ATM: variants seen among roughly 807,000 people sequenced by gnomAD.
ATM encodes ATM serine/threonine kinase.
ATM carries 308 observed loss-of-function variants against 387.0 expected under a neutral mutation model. The observed-to-expected ratio is 0.80, with a 90% confidence interval of 0.73 to 0.87. The LOEUF is 0.87. Among genes scored for constraint, ATM ranks in the 40% least tolerant of loss-of-function variants. The probability of loss-of-function intolerance (pLI) is 0.00; values close to 1 mark genes in which losing one functional copy is unlikely to be tolerated. For synonymous variants in ATM, 1,156 were observed against 1,187.3 expected (o/e 0.97, Z 0.54); for missense variants, 3,312 against 3,560.9 (o/e 0.93, Z 1.78).
At chr11:108,322,170 T>C (rs1427358794) in intron 45 of ATM, among the ~76,000 whole-genome samples, 1 of 152,200 alleles carries the variant, frequency 6.6e-6, no homozygotes, top group African/African-American at 2.4e-5. Context: ...TTTATGTTTT[T>C]TTGAGACCAA....
chr11:108,304,566 AT>A, intron 36 of ATM, 108 bp from the exon 37 acceptor site: 1 of 1,105,644 alleles, frequency 9.0e-7, no homozygotes, highest in Non-Finnish European at 1.3e-6. Context: ...TTAATCTATC[AT>A]CTTTTAGAAA....
chr11:108,346,596 A>T (rs1228552015), intron 58 of ATM: 1 of 152,572 alleles, frequency 6.6e-6, no homozygotes, highest in Non-Finnish European at 1.5e-5. Context: ...TTCCCAGGTA[A>T]TTGTGAAACT....
In ATM at chr11:108,321,324, G is replaced by A. The variant is rs1591107053; in HGVS notation, c.6476G>A (p.Cys2159Tyr). ...YARVKEVEEM[C>Y]KRSLESVYSL... Reference sequence around the variant, plus strand: ...AGAGTAAAAGAAGTGGAAGAGATGTGTAAGCGCAGCCTTGAGTCTGTGTAT... The same window carrying A: ...AGAGTAAAAGAAGTGGAAGAGATGTATAAGCGCAGCCTTGAGTCTGTGTAT... The change falls in exon 45 of 63, where the codon TGT becomes TAT. Residue 2159 changes from cysteine (C) to tyrosine (Y), a missense_variant. Transcript: ENST00000675843. The A allele has an allele frequency of 3.1e-6, 5 of 1,614,148 alleles. No homozygotes were observed. Among genetic ancestry groups the A allele is most frequent in the African/African-American group, 1.3e-5 (1 of 75,052 alleles).
At position 108,284,456 on chromosome 11, in the gene ATM, A is replaced by G; in HGVS notation, c.3976A>G (p.Asn1326Asp). Residue 1326 changes from asparagine to aspartate, a missense_variant, in exon 26 of 63, where the codon AAC becomes GAC. Coordinates refer to ENST00000675843, the MANE Select transcript of ATM (RefSeq NM_000051.4). ...GGTCTATGATATGCTTAAAAGTGAA[A>G]ACTTATTGGGAAAACAGGTATGGCT... ...TKVYDMLKSE[N>D]LLGKQIDHLF... The G allele has an allele frequency of 6.2e-7, 1 of 1,613,954 alleles. No individual in the cohort carries two copies. The highest frequency in any genetic ancestry group is 1.3e-5 in the African/African-American group (1 of 75,032).
At position 108,332,037 on chromosome 11, in the gene ATM, G is replaced by A. The variant is rs587780639; in HGVS notation, c.7788G>A (p.Glu2596=). Residue 2596 remains glutamate, a splice_region_variant and synonymous_variant, in exon 52 of 63, where the codon GAG becomes GAA. Coordinates refer to ENST00000675843, the MANE Select transcript of ATM (RefSeq NM_000051.4). Reference sequence around the variant, plus strand: ...CTAAACAAAGCTCTCAGCTTGATGAGGTATTTGGATTAAACATACGTACCT... The same window carrying A: ...CTAAACAAAGCTCTCAGCTTGATGAAGTATTTGGATTAAACATACGTACCT... ...NVPKQSSQLD[E]DRTEAANRII... is the part of the protein sequence containing the mutation. 3 of 1,613,484 alleles carry A rather than the reference G, an allele frequency of 1.9e-6. No homozygotes were observed. Among genetic ancestry groups the A allele is most frequent in the Non-Finnish European group, 8.5e-7 (1 of 1,179,700 alleles).
At chr11:108,240,850 A>G (rs150447589) in intron 5 of ATM, among the ~76,000 whole-genome samples, 6 of 152,328 alleles carry the variant, frequency 3.9e-5, no homozygotes, top group African/African-American at 1.2e-4. Context: ...TCTTTCTTCA[A>G]TACTAAAGTA....
Position 108,320,026 on chromosome 11 carries a change from C to A in ATM, c.6420C>A (p.Phe2140Leu), listed in dbSNP as rs587780635. 5 of 1,609,752 alleles carry A rather than the reference C, an allele frequency of 3.1e-6. No homozygotes were observed. In the Admixed American group the frequency reaches 8.3e-5, roughly 27 times the overall value. ...TACAATCTCTAAGAGACAGAGAATT[C>A]TCTACATTTTATGAAAGTCTCAAAT... ...NALQSLRDRE[F>L]STFYESLKYA... The change falls in exon 44 of 63, where the codon TTC (phenylalanine) becomes TTA (leucine). Residue 2140 changes from phenylalanine to leucine, a missense_variant. Coordinates refer to ENST00000675843, the MANE Select transcript of ATM (RefSeq NM_000051.4).
Position 108,235,259 on chromosome 11 carries a change from G to A in ATM, c.332-411G>A, listed in dbSNP as rs7934870. Among the ~76,000 whole-genome samples the A allele has an allele frequency of 3.1e-3, 461 of 149,118 alleles. 4 individuals carry two copies. The highest frequency in any genetic ancestry group is 0.01 in the African/African-American group (408 of 40,046). On this transcript the variant is annotated intron_variant, in intron 4 of 62. Transcript: ENST00000675843. ...TGCAGTGTGCTGAGTTTGTGCCACT[G>A]CACTCCAGCCTGGGTGACAGACCAA...
rs746106249 is a variant in ATM at position 108,304,843 on chromosome 11, T to G, written c.5665T>G (p.Leu1889Val). ...QTSRSTTPAN[L>V]DSESEHFFRC... ...GAGCCGATCCACAACCCCTGCAAAC[T>G]TGGATTCAGGTATTCTATTAAATTT... The change falls in exon 37 of 63, where the codon TTG (leucine) becomes GTG (valine). Residue 1889 changes from leucine (L) to valine (V), a missense_variant. Physicochemically the swap from Leu to Val is conservative, Grantham distance 32 (BLOSUM62 1). Coordinates refer to ENST00000675843, the MANE Select transcript of ATM (RefSeq NM_000051.4). The G allele has an allele frequency of 6.2e-7, 1 of 1,614,004 alleles. No individual in the cohort carries two copies. Among genetic ancestry groups the G allele is most frequent in the Non-Finnish European group, 8.5e-7 (1 of 1,179,988 alleles).
rs1484458095 is a variant in ATM, at chr11:108,244,846, A to G, written c.721A>G (p.Lys241Glu). Residue 241 changes from lysine to glutamate, a missense_variant, in exon 7 of 63, where the codon AAG becomes GAG. Lys to Glu is a moderately conservative substitution (Grantham distance 56, BLOSUM62 1). Around this residue, in one of 4 missense-constraint regions of ATM, gnomAD observed 1,791 missense variants for 1,804.5 expected, o/e 0.99. Transcript: ENST00000675843. ...HILAALTIFLKTLAVNFRIRV... is the reference protein window; with the variant it reads ...HILAALTIFLETLAVNFRIRV... ...CTTAGCAGCTCTTACTATCTTCCTC[A>G]AGACTTTGGCTGTCAACTTTCGAAT... 6.2e-7 allele frequency: 1 copy of G among 1,613,926 alleles called. No individual in the cohort carries two copies. Among genetic ancestry groups the G allele is most frequent in the South Asian group, 1.1e-5 (1 of 91,072 alleles).
intron 22 of ATM, among the ~76,000 whole-genome samples, chr11:108,274,804 A>G (rs901077067): frequency 2.8e-4 from 42 of 152,172 alleles, no homozygotes; most frequent in Admixed American, 1.8e-3. Context: ...CAGTTTTAGA[A>G]TAAGTGTGAT....
chr11:108,228,022 T>A, intron 3 of ATM, 134 bp downstream of exon 3: 1 of 730,320 alleles, frequency 1.4e-6, no homozygotes, highest in South Asian at 1.9e-5. Context: ...GCATATGAAT[T>A]TGGCATTTAA....
chr11:108,337,743 T>G (rs1044269091), intron 56 of ATM, among the ~76,000 whole-genome samples: 1 of 152,242 alleles, frequency 6.6e-6, no homozygotes, highest in Non-Finnish European at 1.5e-5. Context: ...AGACTAGATA[T>G]TCTGTAATGT....
chr11:108,267,774 A>G (rs1389456327), intron 17 of ATM, among the ~76,000 whole-genome samples: 2 of 152,156 alleles, frequency 1.3e-5, no homozygotes, highest in Non-Finnish European at 2.9e-5. Context: ...GGAGAACGGC[A>G]TGAACCTGGG....
At chr11:108,274,994 T>C (rs1005978591) in intron 22 of ATM, among the ~76,000 whole-genome samples, 4 of 152,218 alleles carry the variant, frequency 2.6e-5, no homozygotes, top group African/African-American at 7.2e-5. Context: ...TATTATTGTG[T>C]GGAAGTCTAA....
intron 48 of ATM, among the ~76,000 whole-genome samples, chr11:108,328,764 C>G (rs2085947814): frequency 6.6e-6 from 1 of 152,012 alleles, no homozygotes; most frequent in South Asian, 2.1e-4. Flanking sequence ...AGCTAATGAG[C>G]TTAAAAAAAA....
At chr11:108,331,278 G>A in intron 50 of ATM, 166 bp from the exon 51 acceptor site, 1 of 1,376,694 alleles carries the variant, frequency 7.3e-7, no homozygotes, top group South Asian at 1.7e-5. Context: ...CCATTAGAAA[G>A]ACCTTCAGAT....
intron 40 of ATM, among the ~76,000 whole-genome samples, chr11:108,314,855 T>C (rs2084483489): frequency 6.6e-6 from 1 of 152,230 alleles, no homozygotes; most frequent in South Asian, 2.1e-4. Context: ...TTTACAGAAC[T>C]GTACTGTGTT....
At chr11:108,267,864 AG>A (rs1276520079) in intron 17 of ATM, among the ~76,000 whole-genome samples, 2 of 152,268 alleles carry the variant, frequency 1.3e-5, no homozygotes, top group Non-Finnish European at 2.9e-5. Flanking sequence ...TCTCAAAAAA[AG>A]AAATAAAATC....
Sources: gnomAD v4.1 joint callset for allele counts (sites outside exome capture counted in the v4.1 genomes callset) on GRCh38, gnomAD v4.1.1 for gene constraint, gnomAD v4.1.1 regional missense constraint, MANE v1.5 for transcripts, NCBI Gene and HGNC (gene_info 2026-07-23, HGNC 2026-07-21) for gene names.